Variants in CSGALNACT1 observed in about 807,000 individuals in gnomAD.
The protein encoded by CSGALNACT1 is beta4GalNAcT-1.
In CSGALNACT1, 52 loss-of-function variants were observed where a neutral mutation model predicts 51.0. The ratio of observed to expected loss-of-function variants is 1.02; its 90% CI spans 0.82 to 1.29. The LOEUF (loss-of-function observed/expected upper bound fraction) is 1.29. Among genes scored for constraint, CSGALNACT1 ranks in the 50% most tolerant of loss-of-function variants. CSGALNACT1 has a pLI of 0.00. For missense variants in CSGALNACT1, 935 were observed against 679.2 expected, an observed-to-expected ratio of 1.38 and a Z score of -4.19; for synonymous variants, 341 against 254.4, an observed-to-expected ratio of 1.34 and a Z score of -3.24.
exon 7 of CSGALNACT1, chr8:19,420,420 T>A: frequency 6.2e-7 from 1 of 1,614,170 alleles, no homozygotes; most frequent in Non-Finnish European, 8.5e-7. Flanking sequence ...GAGAAGGACG[T>A]TGCTTCCCTT....
chr8:19,447,266 AACTC>A (rs1643770695), intron 5 of CSGALNACT1, among the ~76,000 whole-genome samples: 1 of 152,162 alleles, frequency 6.6e-6, no homozygotes, highest in African/African-American at 2.4e-5. Flanking sequence ...GACAGCTTTG[AACTC>A]ACTGTCTAGG....
intron 4 of CSGALNACT1, among the ~76,000 whole-genome samples, chr8:19,501,406 C>T (rs1019160471): frequency 1.3e-5 from 2 of 152,180 alleles, no homozygotes; most frequent in Non-Finnish European, 2.9e-5. Flanking sequence ...ATCACGTTGG[C>T]AACATCTGAA....
At position 19,520,474 on chromosome 8, in the gene CSGALNACT1, C is replaced by T. The variant is rs184659514; in HGVS notation, c.-296-14344G>A. 9.5e-4 allele frequency among the ~76,000 whole-genome samples: 144 copies of T among 152,348 alleles called. 3 individuals carry two copies. Among genetic ancestry groups the T allele is most frequent in the African/African-American group, 3.2e-3 (135 of 41,586 alleles). The stretch of plus-strand genomic sequence containing the variant: ...TGGAGTCCCTCACTCCTGGCGCCTG[C>T]CGCCAATCCTATCTTGTAGTCAGCA... On this transcript the variant is annotated intron_variant, in intron 3 of 9. Coordinates refer to ENST00000454498, the Ensembl canonical transcript of CSGALNACT1.
intron 1 of CSGALNACT1, among the ~76,000 whole-genome samples, chr8:19,614,603 A>G (rs1447094607): frequency 6.6e-6 from 1 of 152,104 alleles, no homozygotes; most frequent in Non-Finnish European, 1.5e-5. Flanking sequence ...TCAGCTTAGG[A>G]TATTTTCTTT....
At chr8:19,586,953 G>T (rs1204259590) in intron 3 of CSGALNACT1, among the ~76,000 whole-genome samples, 2 of 152,134 alleles carry the variant, frequency 1.3e-5, no homozygotes. Flanking sequence ...GTAATCTCCA[G>T]GAAACACTCT....
intron 3 of CSGALNACT1, among the ~76,000 whole-genome samples, chr8:19,571,806 C>G (rs577798266): frequency 7.0e-4 from 106 of 152,306 alleles, no homozygotes; most frequent in Middle Eastern, 3.4e-3. Flanking sequence ...AAACCTCTGC[C>G]CTCTTTGCTA....
At chr8:19,412,670 C>T (rs1039020966) in intron 8 of CSGALNACT1, among the ~76,000 whole-genome samples, 1 of 152,178 alleles carries the variant, frequency 6.6e-6, no homozygotes, top group African/African-American at 2.4e-5. Flanking sequence ...CATGGAAGGC[C>T]CCAAGGCCTG....
At chr8:19,653,854 T>G (rs910286498) in intron 1 of CSGALNACT1, among the ~76,000 whole-genome samples, 3 of 152,026 alleles carry the variant, frequency 2.0e-5, no homozygotes, top group African/African-American at 4.8e-5. Flanking sequence ...GAGCATCAAA[T>G]CCTTCTATCC....
chr8:19,669,796 C>T (rs1174616262), intron 1 of CSGALNACT1, among the ~76,000 whole-genome samples: 2 of 152,130 alleles, frequency 1.3e-5, no homozygotes, highest in African/African-American at 4.8e-5. Context: ...CTTTCAGAAG[C>T]CATTTCTAAT....
At chr8:19,608,406 T>G (rs1310451161) in intron 1 of CSGALNACT1, among the ~76,000 whole-genome samples, 1 of 152,182 alleles carries the variant, frequency 6.6e-6, no homozygotes, top group Non-Finnish European at 1.5e-5. Flanking sequence ...GAAATAATTG[T>G]GTGACCCTTG....
intron 1 of CSGALNACT1, among the ~76,000 whole-genome samples, chr8:19,703,916 T>C (rs2062013260): frequency 6.6e-6 from 1 of 152,196 alleles, no homozygotes; most frequent in African/African-American, 2.4e-5. Flanking sequence ...AGGAGCCTCT[T>C]ACATAGTACG....
At chr8:19,503,943 G>A (rs893738208) in intron 4 of CSGALNACT1, among the ~76,000 whole-genome samples, 1 of 152,300 alleles carries the variant, frequency 6.6e-6, no homozygotes, top group Non-Finnish European at 1.5e-5. Context: ...AAGAACACAG[G>A]CATGAACAGC....
At chr8:19,652,224 T>C (rs1429158238) in intron 1 of CSGALNACT1, among the ~76,000 whole-genome samples, 2 of 152,220 alleles carry the variant, frequency 1.3e-5, no homozygotes, top group African/African-American at 4.8e-5. Flanking sequence ...GTACTAAGAT[T>C]ACAGGCATGA....
intron 1 of CSGALNACT1, among the ~76,000 whole-genome samples, chr8:19,725,190 G>A (rs182238427): frequency 1.5e-3 from 234 of 152,260 alleles, no homozygotes; most frequent in African/African-American, 4.9e-3. Context: ...AGGCAGGTGC[G>A]GAAGTCCAAG....
chr8:19,747,869 C>T (rs1189786771), intron 1 of CSGALNACT1, among the ~76,000 whole-genome samples: 8 of 152,000 alleles, frequency 5.3e-5, no homozygotes, highest in Non-Finnish European at 1.2e-4. Flanking sequence ...CAGCTTTCTC[C>T]TGTTATTCCT....
chr8:19,481,759 C>T (rs2153922070), intron 4 of CSGALNACT1, among the ~76,000 whole-genome samples: 1 of 152,300 alleles, frequency 6.6e-6, no homozygotes, highest in South Asian at 2.1e-4. Flanking sequence ...GATTATACCA[C>T]AGGTGACAGG....
chr8:19,628,369 G>T (rs2054726093), intron 1 of CSGALNACT1, among the ~76,000 whole-genome samples: 1 of 152,176 alleles, frequency 6.6e-6, no homozygotes, highest in African/African-American at 2.4e-5. Context: ...CTCTCATGAG[G>T]ACTCCCTCAC....
intron 1 of CSGALNACT1, among the ~76,000 whole-genome samples, chr8:19,634,728 G>A (rs1421510740): frequency 6.6e-6 from 1 of 152,126 alleles, no homozygotes; most frequent in African/African-American, 2.4e-5. Flanking sequence ...GAGACACAGA[G>A]AGAAGGCAGT....
At chr8:19,573,330 A>C (rs2043422506) in intron 3 of CSGALNACT1, among the ~76,000 whole-genome samples, 1 of 152,212 alleles carries the variant, frequency 6.6e-6, no homozygotes, top group Non-Finnish European at 1.5e-5. Context: ...GCCCTTTAAA[A>C]ATCCAGCAGT....
Sources: allele counts gnomAD v4.1 joint callset (sites outside exome capture counted in the v4.1 genomes callset), GRCh38; gene constraint gnomAD v4.1.1; transcripts MANE v1.5; gene names NCBI Gene and HGNC (gene_info 2026-07-23, HGNC 2026-07-21).